Variants in CBFA2T3 observed in about 807,000 individuals in gnomAD.
The protein encoded by CBFA2T3 is transcriptional corepressor CBFA2T3.
A neutral mutation model predicts 58.6 loss-of-function variants in CBFA2T3; 31 were observed. That is an observed-to-expected ratio of 0.53 (90% CI 0.40 to 0.71). The LOEUF is 0.71. CBFA2T3 is among the 30% of genes least tolerant of loss of function. The pLI, the probability that CBFA2T3 is intolerant of heterozygous loss-of-function variation, is 0.00. For missense variants in CBFA2T3, 1,076 were observed against 963.1 expected, an observed-to-expected ratio of 1.12 and a Z score of -1.55; for synonymous variants, 531 against 421.9, an observed-to-expected ratio of 1.26 and a Z score of -3.17.
intron 1 of CBFA2T3, among the ~76,000 whole-genome samples, chr16:88,963,184 T>C (rs1341875875): frequency 2.7e-5 from 4 of 150,840 alleles, no homozygotes; most frequent in Non-Finnish European, 5.9e-5. Flanking sequence ...GGTGGGGGCT[T>C]GGACAGAGGC....
intron 5 of CBFA2T3, among the ~76,000 whole-genome samples, chr16:88,889,122 G>A (rs1969519119): frequency 1.3e-5 from 2 of 151,810 alleles, no homozygotes; most frequent in South Asian, 2.1e-4. Context: ...CCAAAGACTG[G>A]GAGGGGTGGA....
intron 1 of CBFA2T3, among the ~76,000 whole-genome samples, chr16:88,964,915 TCCA>T (rs1972458414): frequency 1.5e-5 from 1 of 66,310 alleles, no homozygotes; most frequent in East Asian, 2.4e-4. Flanking sequence ...CACTTATCCA[TCCA>T]TCCATCCATC....
intron 1 of CBFA2T3, among the ~76,000 whole-genome samples, chr16:88,944,723 G>A (rs926830465): frequency 3.9e-5 from 6 of 152,230 alleles, no homozygotes; most frequent in South Asian, 2.1e-4. Context: ...TGCCACAGGC[G>A]TCCCTGCACT....
chr16:88,959,276 G>T (rs1000850926), intron 1 of CBFA2T3, among the ~76,000 whole-genome samples: 2 of 152,238 alleles, frequency 1.3e-5, no homozygotes, highest in Admixed American at 1.3e-4. Context: ...GGCCGCGGAC[G>T]GGTGGTGGGG....
intron 1 of CBFA2T3, among the ~76,000 whole-genome samples, chr16:88,972,113 G>C (rs1972670454): frequency 6.6e-6 from 1 of 152,210 alleles, no homozygotes; most frequent in East Asian, 1.9e-4. Context: ...GGAGGACATG[G>C]CTGGTTGCTG....
intron 1 of CBFA2T3, among the ~76,000 whole-genome samples, chr16:88,929,184 G>A (rs2142760100): frequency 6.6e-6 from 1 of 152,304 alleles, no homozygotes; most frequent in South Asian, 2.1e-4. Context: ...TCCCATAACT[G>A]TTTGTGGAAT....
chr16:88,891,843 G>A (rs770076785), intron 5 of CBFA2T3, 39 bp downstream of exon 5: 2 of 1,452,102 alleles, frequency 1.4e-6, no homozygotes, highest in East Asian at 4.6e-5. Flanking sequence ...GGGCCTTCTA[G>A]GGAGGCTCCC....
At chr16:88,935,574 T>TGGAG (rs1971470061) in intron 1 of CBFA2T3, among the ~76,000 whole-genome samples, 7 of 152,340 alleles carry the variant, frequency 4.6e-5, no homozygotes, top group South Asian at 2.1e-4. Flanking sequence ...TTGCAGGCTG[T>TGGAG]CCTCGCGTGG....
intron 1 of CBFA2T3, among the ~76,000 whole-genome samples, chr16:88,906,556 T>G (rs1970343133): frequency 6.6e-6 from 1 of 152,216 alleles, no homozygotes; most frequent in Admixed American, 6.5e-5. Context: ...GCAATGGCCC[T>G]GAGGCAACCC....
rs772960684 is a variant in CBFA2T3 at position 88,879,437 on chromosome 16, G to A, written c.1495C>T (p.Arg499Trp). The A allele has an allele frequency of 5.0e-6, 8 of 1,612,316 alleles. No individual in the cohort carries two copies. Among genetic ancestry groups the A allele is most frequent in the South Asian group, 1.1e-5 (1 of 91,044 alleles). The change falls in exon 11 of 12, where the codon CGG (arginine) becomes TGG (tryptophan). Residue 499 changes from arginine (R) to tryptophan (W), a missense_variant. Coordinates refer to ENST00000268679, the MANE Select transcript of CBFA2T3 (RefSeq NM_005187.6). Reference sequence around the variant, plus strand: ...TTCTGCAGCTCCGACATGGCCTGCCGCTTCACCTCATTCACGGCCTCTTCT... The same window carrying A: ...TTCTGCAGCTCCGACATGGCCTGCCACTTCACCTCATTCACGGCCTCTTCT... The part of the protein sequence containing the change: ...KAEEAVNEVK[R>W]QAMSELQKAV...
At chr16:88,892,216 A>T (rs759366168) in intron 4 of CBFA2T3, 28 bp downstream of exon 4, 1 of 1,595,932 alleles carries the variant, frequency 6.3e-7, no homozygotes. Context: ...GCATGTCCCA[A>T]GGCCCCGGCT....
chr16:88,966,335 G>A (rs989264728), intron 1 of CBFA2T3, among the ~76,000 whole-genome samples: 2 of 152,198 alleles, frequency 1.3e-5, no homozygotes, highest in African/African-American at 2.4e-5. Context: ...GGCCTGTGCC[G>A]GGGTAGGGGG....
chr16:88,903,335 C>T (rs1022848668), intron 1 of CBFA2T3, among the ~76,000 whole-genome samples: 24 of 152,236 alleles, frequency 1.6e-4, no homozygotes, highest in Non-Finnish European at 2.8e-4. Context: ...GGGCTCTAAC[C>T]GGCCCCTGGT....
At position 88,977,117 on chromosome 16, in the gene CBFA2T3, G is replaced by T. The variant is rs991310796; in HGVS notation, c.-310C>A. 3.0e-6 allele frequency: 1 copy of T among 333,376 alleles called. No individual in the cohort carries two copies. Among genetic ancestry groups the T allele is most frequent in the Non-Finnish European group, 5.5e-6 (1 of 180,548 alleles). 20.7% of individuals were successfully genotyped at this position (333,376 alleles called of 1,614,324 possible). ...GCTGTGTCCCCGTGATAATGCCGGG[G>T]CCGGAGGCCTGCAGCTGCGCCCGCC... On this transcript the variant is annotated 5_prime_UTR_variant, in exon 1 of 12. Coordinates refer to ENST00000268679, the MANE Select transcript of CBFA2T3 (RefSeq NM_005187.6).
At chr16:88,883,974 T>C (rs1163509650) in intron 7 of CBFA2T3, 1 of 152,212 alleles carries the variant, frequency 6.6e-6, no homozygotes, top group African/African-American at 2.4e-5. Context: ...GAACCTGAAA[T>C]GGCTCCCCCA....
intron 1 of CBFA2T3, among the ~76,000 whole-genome samples, chr16:88,921,316 C>T (rs1201677521): frequency 6.6e-6 from 1 of 152,108 alleles, no homozygotes; most frequent in African/African-American, 2.4e-5. Flanking sequence ...TAATTACACG[C>T]AGGCAGCAGA....
In CBFA2T3 at chr16:88,876,382, A is replaced by G; in HGVS notation, c.*594T>C. 1 of 228,720 alleles carries G rather than the reference A, an allele frequency of 4.4e-6. No individual in the cohort carries two copies. Among genetic ancestry groups the G allele is most frequent in the East Asian group, 6.2e-5 (1 of 16,112 alleles). 14.2% of individuals were successfully genotyped at this position (228,720 alleles called of 1,614,324 possible). On this transcript the variant is annotated 3_prime_UTR_variant, in exon 12 of 12. Coordinates refer to ENST00000268679, the MANE Select transcript of CBFA2T3 (RefSeq NM_005187.6). ...CTGATCAGCCTCACGCCCCTGGGGGAGGGGCACAGCTGGGTTCAGATCTCC... is the reference window on the plus strand; with the variant it reads ...CTGATCAGCCTCACGCCCCTGGGGGGGGGGCACAGCTGGGTTCAGATCTCC...
In CBFA2T3 at chr16:88,974,253, C is replaced by T. The variant is rs1181080590; in HGVS notation, c.151+2404G>A. On this transcript the variant is annotated intron_variant, in intron 1 of 11. Coordinates refer to ENST00000268679, the MANE Select transcript of CBFA2T3 (RefSeq NM_005187.6). ...AAGGCGGTGAGAGCCTGCACAGCTC[C>T]GAGCACACACAGCGGGCGCCTCGTA... Among the ~76,000 whole-genome samples the T allele has an allele frequency of 7.9e-5, 12 of 152,250 alleles. No individual in the cohort carries two copies. The East Asian group carries it at 1.5e-3, about 20-fold the overall frequency.
At position 88,966,918 on chromosome 16, in the gene CBFA2T3, G is replaced by A. The variant is rs531911826; in HGVS notation, c.151+9739C>T. Among the ~76,000 whole-genome samples, 645 of 152,306 alleles carry A rather than the reference G, an allele frequency of 4.2e-3. 11 individuals are homozygous for A. The highest frequency in any genetic ancestry group is 0.015 in the African/African-American group (633 of 41,550). ...CCCACCCTGGACTCTGGAAGCCCAG[G>A]ATGAGAACTTCGTATCACACTCTAG... On this transcript the variant is annotated intron_variant, in intron 1 of 11. Transcript: ENST00000268679.
Sources: allele counts gnomAD v4.1 joint callset (sites outside exome capture counted in the v4.1 genomes callset), GRCh38; gene constraint gnomAD v4.1.1; transcripts MANE v1.5; gene names NCBI Gene and HGNC (gene_info 2026-07-23, HGNC 2026-07-21).